ARHGAP29: variants seen among roughly 807,000 people sequenced by gnomAD.
ARHGAP29 encodes the protein Rho GTPase activating protein 29, also known as rho GTPase-activating protein 29.
Under a neutral mutation model 122.6 loss-of-function variants are expected in ARHGAP29, and 43 were observed. The ratio of observed to expected loss-of-function variants is 0.35; its 90% CI spans 0.27 to 0.45. The LOEUF is 0.45. Ranked by LOEUF, ARHGAP29 falls within the 20% of genes least tolerant of loss-of-function variation. The pLI is 1.00. For synonymous variants in ARHGAP29, 506 were observed against 497.1 expected (o/e 1.02, Z -0.24); for missense variants, 1,303 against 1,477.2 (o/e 0.88, Z 1.93).
intron 3 of ARHGAP29, among the ~76,000 whole-genome samples, chr1:94,218,351 C>A (rs1234490936): frequency 6.6e-6 from 1 of 152,062 alleles, no homozygotes; most frequent in African/African-American, 2.4e-5. Flanking sequence ...TACAATAATC[C>A]CAAGTATAAA....
intron 1 of ARHGAP29, among the ~76,000 whole-genome samples, chr1:94,233,471 C>A (rs979681015): frequency 6.6e-6 from 1 of 152,122 alleles, no homozygotes; most frequent in Non-Finnish European, 1.5e-5. Context: ...GATCTATCTG[C>A]ATCCATTCTT....
the ARHGAP29 span, among the ~76,000 whole-genome samples, chr1:94,296,483 A>T: frequency 6.6e-6 from 1 of 152,234 alleles, no homozygotes; most frequent in Non-Finnish European, 1.5e-5. Flanking sequence ...CGCACAGGAA[A>T]AACATAGTAT....
At chr1:94,202,016 G>A in intron 11 of ARHGAP29, 159 bp from the exon 12 acceptor site, 1 of 695,696 alleles carries the variant, frequency 1.4e-6, no homozygotes, top group East Asian at 2.9e-5. Context: ...TGATTCAAAG[G>A]CAGTTGATTT....
At chr1:94,215,297 C>A in intron 3 of ARHGAP29, among the ~76,000 whole-genome samples, 2 of 150,640 alleles carry the variant, frequency 1.3e-5, no homozygotes, top group African/African-American at 2.4e-5. Flanking sequence ...ATAAATTTAA[C>A]TCAAATCATC....
At chr1:94,293,493 G>A in the ARHGAP29 span, among the ~76,000 whole-genome samples, 3 of 152,196 alleles carry the variant, frequency 2.0e-5, no homozygotes, top group South Asian at 6.2e-4. Flanking sequence ...TGCACCCACT[G>A]TCCAACCAGT....
rs1287996814 is a variant in ARHGAP29 at position 94,185,372 on chromosome 1, A to G, written c.1890T>C (p.Ile630=). The G allele has an allele frequency of 2.5e-6, 4 of 1,611,776 alleles. No individual in the cohort carries two copies. Among genetic ancestry groups the G allele is most frequent in the Non-Finnish European group, 3.4e-6 (4 of 1,178,934 alleles). Residue 630 remains isoleucine (I), a synonymous_variant, in exon 17 of 23, where the codon ATT becomes ATC. Coordinates refer to ENST00000260526, the MANE Select transcript of ARHGAP29 (RefSeq NM_004815.4). Reference sequence around the variant, plus strand: ...CACATTCAACACCTTGGAACACTACAATGCCTTCACAATCCCTACATTTCG... The same window carrying G: ...CACATTCAACACCTTGGAACACTACGATGCCTTCACAATCCCTACATTTCG... ...SPTKCRDCEG[I]VVFQGVECEE...
At position 94,203,848 on chromosome 1, in the gene ARHGAP29, G is replaced by A. The variant is rs1651019997; in HGVS notation, c.762+82C>T. 7 of 1,187,896 alleles carry A rather than the reference G, an allele frequency of 5.9e-6. No individual in the cohort carries two copies. In the East Asian group the frequency reaches 1.7e-4, roughly 28 times the overall value. The allele number at this position is 1,187,896 out of a possible 1,614,324, so 73.6% of individuals were successfully genotyped here. ...ATTTAAGTGCTTTCCTATATTAACT[G>A]AAATATTCTGATTTTGCAAATTATT... is the stretch of plus-strand genomic sequence containing the variant. On this transcript the variant is annotated intron_variant, in intron 8 of 22. Coordinates refer to ENST00000260526, the MANE Select transcript of ARHGAP29 (RefSeq NM_004815.4).
chr1:94,179,663 T>C, intron 20 of ARHGAP29, 62 bp downstream of exon 20: 2 of 1,073,872 alleles, frequency 1.9e-6, no homozygotes, highest in Non-Finnish European at 2.7e-6. Flanking sequence ...TTTACCACAA[T>C]TAAAAACAAA....
chr1:94,201,828 A>G lies in ARHGAP29; in HGVS notation c.1173T>C (p.Val391=), dbSNP rs1557856833. ...TTCTTTCTTCAACATTTGTCACACA[A>G]ACTTTGTAAAGTTCATTTGCTTCTT... The part of the protein sequence containing the change: ...KVEEANELYK[V]CVTNVEERRN... Residue 391 remains valine, a synonymous_variant, in exon 12 of 23, where the codon GTT becomes GTC. Coordinates refer to ENST00000260526, the MANE Select transcript of ARHGAP29 (RefSeq NM_004815.4). The G allele has an allele frequency of 6.2e-7, 1 of 1,612,344 alleles. No homozygotes were observed. The highest frequency in any genetic ancestry group is 2.2e-5 in the East Asian group (1 of 44,832).
At chr1:94,231,740 A>T in intron 1 of ARHGAP29, 97 bp from the exon 2 acceptor site, 1 of 847,062 alleles carries the variant, frequency 1.2e-6, no homozygotes, top group Non-Finnish European at 1.8e-6. Context: ...GATTTTCACA[A>T]ACAGCCCACA....
At chr1:94,264,905 T>A (rs1311966968) in intron 1 of ARHGAP29, among the ~76,000 whole-genome samples, 1 of 152,218 alleles carries the variant, frequency 6.6e-6, no homozygotes, top group Non-Finnish European at 1.5e-5. Context: ...GGTTGCCACT[T>A]CTGCCCTAGC....
chr1:94,194,139 C>T (rs1352770953), intron 12 of ARHGAP29: 1 of 151,958 alleles, frequency 6.6e-6, no homozygotes, highest in East Asian at 1.9e-4. Flanking sequence ...TTAAACTTGG[C>T]TATTTATAGA....
chr1:94,201,396 A>C (rs961070155), intron 12 of ARHGAP29, among the ~76,000 whole-genome samples: 5 of 152,102 alleles, frequency 3.3e-5, no homozygotes, highest in African/African-American at 2.4e-5. Context: ...AAGAATTGTA[A>C]CTTATCAGGC....
chr1:94,231,271 G>C, intron 2 of ARHGAP29, 136 bp downstream of exon 2: 1 of 682,008 alleles, frequency 1.5e-6, no homozygotes, highest in South Asian at 1.9e-5. Context: ...AACCATCAAA[G>C]ATTTGGGGAA....
At chr1:94,242,618 A>C (rs1653640661), upstream of ARHGAP29, among the ~76,000 whole-genome samples, 1 of 3,294 alleles carries the variant, frequency 3.0e-4, no homozygotes, top group Admixed American at 6.0e-3. Flanking sequence ...CAAAAAATCA[A>C]AAAAAAAAAA....
At chr1:94,314,413 G>A in the ARHGAP29 span, among the ~76,000 whole-genome samples, 3 of 152,134 alleles carry the variant, frequency 2.0e-5, no homozygotes, top group South Asian at 6.2e-4. Flanking sequence ...CATGATTCTG[G>A]GGGATTGTGC....
chr1:94,191,397 G>A (rs1650125512), intron 12 of ARHGAP29: 2 of 152,114 alleles, frequency 1.3e-5, no homozygotes, highest in African/African-American at 4.8e-5. Flanking sequence ...AGGATAATTA[G>A]CCTCTAAGTC....
chr1:94,201,842 C>A lies in ARHGAP29; in HGVS notation c.1159G>T (p.Glu387Ter). Residue 387 changes from glutamate (E) to a stop codon, truncating the protein, a stop_gained, in exon 12 of 23, where the codon GAA becomes TAA. Coordinates refer to ENST00000260526, the MANE Select transcript of ARHGAP29 (RefSeq NM_004815.4). LOFTEE classifies it high-confidence loss of function. The part of the protein sequence containing the change: ...EALQKVEEAN[E>*]LYKVCVTNVE... ...TTTGTCACACAAACTTTGTAAAGTT[C>A]ATTTGCTTCTTCTACCTTCACAAAT... The A allele has an allele frequency of 6.2e-7, 1 of 1,607,090 alleles. No individual in the cohort carries two copies. Among genetic ancestry groups the A allele is most frequent in the South Asian group, 1.1e-5 (1 of 89,832 alleles).
intron 7 of ARHGAP29, among the ~76,000 whole-genome samples, chr1:94,204,700 A>G (rs1651083683): frequency 6.6e-6 from 1 of 151,330 alleles, no homozygotes. Context: ...CACTGAGGAA[A>G]TATTAGCTAT....
Sources: allele counts gnomAD v4.1 joint callset (sites outside exome capture counted in the v4.1 genomes callset), GRCh38; gene constraint gnomAD v4.1.1; transcripts MANE v1.5; gene names NCBI Gene and HGNC (gene_info 2026-07-23, HGNC 2026-07-21).